The following MAML3 variants were observed in gnomAD, a reference collection of about 807,000 sequenced individuals.
MAML3 encodes the protein mastermind-like protein 3.
A neutral mutation model predicts 101.9 loss-of-function variants in MAML3; 27 were observed. The observed-to-expected ratio is 0.27, with a 90% CI of 0.20 to 0.37. The LOEUF (loss-of-function observed/expected upper bound fraction) is 0.37. Among genes scored for constraint, MAML3 ranks in the 10% least tolerant of loss-of-function variants. The pLI is 1.00. For synonymous variants in MAML3, 501 were observed against 555.9 expected, an observed-to-expected ratio of 0.90 and a Z score of 1.39; for missense variants, 1,316 against 1,444.9, an observed-to-expected ratio of 0.91 and a Z score of 1.45.
intron 1 of MAML3, among the ~76,000 whole-genome samples, chr4:140,078,359 GA>G (rs1335386001): frequency 6.6e-6 from 1 of 152,170 alleles, no homozygotes; most frequent in Admixed American, 6.5e-5. Flanking sequence ...GAATGCTAGA[GA>G]AAAATAGGAC....
chr4:139,893,828 G>C (rs939880322), intron 1 of MAML3, among the ~76,000 whole-genome samples: 5 of 152,136 alleles, frequency 3.3e-5, no homozygotes, highest in Non-Finnish European at 7.4e-5. Flanking sequence ...GAAAGGGCCA[G>C]TGCATGTGGC....
rs527522264 is a variant in MAML3, at chr4:140,143,774, C to T, written c.468+9086G>A. 5.3e-5 allele frequency among the ~76,000 whole-genome samples: 8 copies of T among 152,066 alleles called. No individual in the cohort carries two copies. The South Asian group carries it at 1.7e-3, about 32-fold the overall frequency. Reference sequence around the variant, plus strand: ...AGACTCTGTCTCAAAAAAAGACAACCGTTCACCTTTCTGACAGGCAAGAAG... The same window carrying T: ...AGACTCTGTCTCAAAAAAAGACAACTGTTCACCTTTCTGACAGGCAAGAAG... On this transcript the variant is annotated intron_variant, in intron 1 of 4. Coordinates refer to ENST00000509479, the MANE Select transcript of MAML3 (RefSeq NM_018717.5).
At chr4:140,126,978 C>G (rs1483470490) in intron 1 of MAML3, among the ~76,000 whole-genome samples, 3 of 152,178 alleles carry the variant, frequency 2.0e-5, no homozygotes, top group Admixed American at 6.5e-5. Flanking sequence ...GCTGAGTATT[C>G]TGTAACATCT....
intron 2 of MAML3, among the ~76,000 whole-genome samples, chr4:139,830,408 C>CTTTTTT (rs1560807162): frequency 7.0e-6 from 1 of 143,532 alleles, no homozygotes; most frequent in African/African-American, 2.8e-5. Context: ...GCACGCTGTG[C>CTTTTTT]TATTTTTTTT....
chr4:140,000,375 A>T (rs757778617), intron 1 of MAML3, among the ~76,000 whole-genome samples: 1 of 152,174 alleles, frequency 6.6e-6, no homozygotes, highest in Non-Finnish European at 1.5e-5. Context: ...GCATGATTCA[A>T]CCTGGGAATA....
At chr4:139,734,638 T>C (rs956043238) in intron 2 of MAML3, among the ~76,000 whole-genome samples, 1 of 152,252 alleles carries the variant, frequency 6.6e-6, no homozygotes, top group Admixed American at 6.5e-5. Flanking sequence ...AAAAGCACCC[T>C]TACCTCCCCC....
intron 2 of MAML3, among the ~76,000 whole-genome samples, chr4:139,886,157 G>A (rs1020358079): frequency 6.6e-6 from 1 of 151,884 alleles, no homozygotes; most frequent in Non-Finnish European, 1.5e-5. Context: ...AAGAAACTGA[G>A]TGTGGGAGGC....
intron 1 of MAML3, among the ~76,000 whole-genome samples, chr4:140,119,964 G>A (rs1728578283): frequency 6.6e-6 from 1 of 152,062 alleles, no homozygotes. Context: ...AAGGCCGGGC[G>A]CGGTGGCTCA....
At chr4:140,010,710 A>G (rs1009271957) in intron 1 of MAML3, among the ~76,000 whole-genome samples, 1 of 152,214 alleles carries the variant, frequency 6.6e-6, no homozygotes, top group Non-Finnish European at 1.5e-5. Flanking sequence ...AAAACAAAAA[A>G]AATGCCAAAA....
Position 139,750,697 on chromosome 4 carries a change from T to C in MAML3, c.2080-20030A>G, listed in dbSNP as rs180863807. ...AGAGGTAGTTAGGTCCTCTTTAGGC[T>C]CAATTACTTTCTTTGTATATTCTAC... On this transcript the variant is annotated intron_variant, in intron 2 of 4. Transcript: ENST00000509479. Among the ~76,000 whole-genome samples the C allele has an allele frequency of 2.8e-4, 43 of 152,314 alleles. 3 individuals are homozygous for C. In the East Asian group the frequency reaches 3.3e-3, roughly 12 times the overall value.
At chr4:140,075,464 T>C (rs1727749795) in intron 1 of MAML3, among the ~76,000 whole-genome samples, 1 of 152,258 alleles carries the variant, frequency 6.6e-6, no homozygotes, top group Non-Finnish European at 1.5e-5. Flanking sequence ...CATAGAGCGT[T>C]ATAAAGAACA....
chr4:139,771,509 G>A (rs113954559), intron 2 of MAML3, among the ~76,000 whole-genome samples: 127 of 152,288 alleles, frequency 8.3e-4, no homozygotes, highest in African/African-American at 2.7e-3. Flanking sequence ...AGCAAATGCT[G>A]GGAAGAAATT....
At chr4:139,886,719 A>T (rs1732345464) in intron 2 of MAML3, among the ~76,000 whole-genome samples, 1 of 152,222 alleles carries the variant, frequency 6.6e-6, no homozygotes, top group Non-Finnish European at 1.5e-5. Context: ...CCATGAGCAT[A>T]ATCTTTGTTC....
intron 2 of MAML3, among the ~76,000 whole-genome samples, chr4:139,851,890 T>C (rs531795195): frequency 3.9e-5 from 6 of 152,268 alleles, no homozygotes; most frequent in South Asian, 4.1e-4. Flanking sequence ...AGCTGAGGGA[T>C]TGCTGATAGG....
chr4:139,793,882 T>G (rs1257515386), intron 2 of MAML3, among the ~76,000 whole-genome samples: 1 of 152,182 alleles, frequency 6.6e-6, no homozygotes, highest in Non-Finnish European at 1.5e-5. Context: ...TTATTATGGT[T>G]GTACACTGAG....
intron 2 of MAML3, among the ~76,000 whole-genome samples, chr4:139,742,958 A>G (rs1277629950): frequency 2.6e-5 from 4 of 152,170 alleles, no homozygotes; most frequent in African/African-American, 9.6e-5. Context: ...CCAGTTTCCT[A>G]ATTTCTTTCC....
Position 139,912,261 on chromosome 4 carries a change from T to C in MAML3, c.469-21294A>G, listed in dbSNP as rs533355548. Among the ~76,000 whole-genome samples, 4 of 152,148 alleles carry C rather than the reference T, an allele frequency of 2.6e-5. No individual in the cohort carries two copies. In the South Asian group the frequency reaches 8.3e-4, roughly 32 times the overall value. On this transcript the variant is annotated intron_variant, in intron 1 of 4. Transcript: ENST00000509479. ...AATGTGGGGGAGAGATTTGTTGAGA[T>C]GGAATGGGGAGAGGTGGAGACAAAG...
chr4:139,831,316 C>A (rs1207067480), intron 2 of MAML3, among the ~76,000 whole-genome samples: 1 of 152,000 alleles, frequency 6.6e-6, no homozygotes, highest in Non-Finnish European at 1.5e-5. Flanking sequence ...CAAATGAAGA[C>A]CCTTGGATCT....
chr4:139,766,029 G>A (rs1286513621), intron 2 of MAML3, among the ~76,000 whole-genome samples: 1 of 152,082 alleles, frequency 6.6e-6, no homozygotes, highest in Non-Finnish European at 1.5e-5. Flanking sequence ...AGTGTCTATC[G>A]AGCACCTATG....
Sources: allele counts gnomAD v4.1 joint callset (sites outside exome capture counted in the v4.1 genomes callset), GRCh38; gene constraint gnomAD v4.1.1; transcripts MANE v1.5; gene names NCBI Gene and HGNC (gene_info 2026-07-23, HGNC 2026-07-21).